The following SRBD1 variants were observed in gnomAD, a reference collection of about 807,000 sequenced individuals.
SRBD1 encodes the protein S1 RNA-binding domain-containing protein 1.
In SRBD1, 88 loss-of-function variants were observed where a neutral mutation model predicts 115.3. The observed-to-expected ratio is 0.76, with a 90% CI of 0.64 to 0.91. The LOEUF (loss-of-function observed/expected upper bound fraction) is 0.91. Ranked by LOEUF, SRBD1 falls within the 40% of genes least tolerant of loss-of-function variation. SRBD1 has a pLI of 0.00. For synonymous variants in SRBD1, 509 were observed against 407.7 expected (o/e 1.25, Z -2.99); for missense variants, 1,385 against 1,177.4 (o/e 1.18, Z -2.58).
chr2:45,428,014 C>G (rs1156247368), intron 16 of SRBD1, among the ~76,000 whole-genome samples: 1 of 152,200 alleles, frequency 6.6e-6, no homozygotes, highest in Non-Finnish European at 1.5e-5. Context: ...TAGACATCTA[C>G]AGAACTCTCC....
At chr2:45,562,013 A>G (rs1482228984) in intron 10 of SRBD1, among the ~76,000 whole-genome samples, 1 of 152,192 alleles carries the variant, frequency 6.6e-6, no homozygotes, top group Non-Finnish European at 1.5e-5. Flanking sequence ...TATTTTTGCA[A>G]GGGAAAAGAT....
In SRBD1 at chr2:45,548,047, A is replaced by G. The variant is rs563686555; in HGVS notation, c.1676-435T>C. 4.6e-5 allele frequency among the ~76,000 whole-genome samples: 7 copies of G among 151,928 alleles called. 1 individual carries two copies. In the South Asian group the frequency reaches 1.5e-3, roughly 32 times the overall value. On this transcript the variant is annotated intron_variant, in intron 12 of 20. Transcript: ENST00000263736. ...GCTTTTCTATATTGCATTATAAAGAAAAATATTTTTTATTGAAAATATTTA... is the reference window on the plus strand; with the variant it reads ...GCTTTTCTATATTGCATTATAAAGAGAAATATTTTTTATTGAAAATATTTA...
At chr2:45,399,669 TG>T (rs1045634082) in intron 19 of SRBD1, among the ~76,000 whole-genome samples, 3 of 152,076 alleles carry the variant, frequency 2.0e-5, no homozygotes, top group African/African-American at 7.2e-5. Flanking sequence ...TGATAAACCT[TG>T]GCACCCAGGA....
chr2:45,600,825 T>G (rs1674069339), intron 3 of SRBD1, among the ~76,000 whole-genome samples: 1 of 152,142 alleles, frequency 6.6e-6, no homozygotes, highest in African/African-American at 2.4e-5. Context: ...AAACTAAATT[T>G]TAGTCAAAAT....
rs10201477 is a variant in SRBD1 at position 45,479,581 on chromosome 2, G to C, written c.1967-2506C>G. On this transcript the variant is annotated intron_variant, in intron 15 of 20. Coordinates refer to ENST00000263736, the MANE Select transcript of SRBD1 (RefSeq NM_018079.5). ...ATTCCATGAAAGCTGAGAGAGGTGA[G>C]GAAACTGCAGAAGAAAAGTCTGAAA... Among the ~76,000 whole-genome samples the C allele has an allele frequency of 8.5e-3, 1,291 of 152,286 alleles. 20 individuals carry two copies. The highest frequency in any genetic ancestry group is 0.029 in the African/African-American group (1,197 of 41,566).
At chr2:45,586,576 C>T (rs1673529344) in intron 4 of SRBD1, among the ~76,000 whole-genome samples, 2 of 151,838 alleles carry the variant, frequency 1.3e-5, no homozygotes, top group African/African-American at 2.4e-5. Flanking sequence ...GACAGTGTCT[C>T]GCTCTTTCAC....
intron 16 of SRBD1, among the ~76,000 whole-genome samples, chr2:45,443,916 T>C (rs1186299795): frequency 6.6e-6 from 1 of 152,022 alleles, no homozygotes; most frequent in Non-Finnish European, 1.5e-5. Context: ...AGGCGCTTAA[T>C]CTTTAATGAC....
Position 45,389,910 on chromosome 2 carries a change from T to C in SRBD1, c.2699-311A>G, listed in dbSNP as rs551628093. Among the ~76,000 whole-genome samples the C allele has an allele frequency of 1.3e-3, 202 of 152,284 alleles. 1 individual carries two copies. The highest frequency in any genetic ancestry group is 4.6e-3 in the African/African-American group (190 of 41,560). The stretch of plus-strand genomic sequence containing the variant: ...TGTGAAGAGGTGATGAGAATATATA[T>C]TTGCTTAACAAATATACAAAGCTAA... On this transcript the variant is annotated intron_variant, in intron 20 of 20. Transcript: ENST00000263736.
At chr2:45,569,296 T>G (rs1672934924) in intron 9 of SRBD1, 1 of 152,318 alleles carries the variant, frequency 6.6e-6, no homozygotes, top group Admixed American at 6.5e-5. Flanking sequence ...GCTCCTTTTC[T>G]GACCTGGGCC....
chr2:45,577,655 C>A (rs1362541135), intron 7 of SRBD1, among the ~76,000 whole-genome samples: 1 of 138,742 alleles, frequency 7.2e-6, no homozygotes, highest in Non-Finnish European at 1.5e-5. Context: ...GTGTCTTCTA[C>A]TGGGGAAAAA....
chr2:45,441,299 T>A (rs1339365927), intron 16 of SRBD1, among the ~76,000 whole-genome samples: 1 of 152,240 alleles, frequency 6.6e-6, no homozygotes, highest in South Asian at 2.1e-4. Flanking sequence ...CCTAGCCTCA[T>A]GCACTGGTGG....
intron 4 of SRBD1, among the ~76,000 whole-genome samples, chr2:45,594,043 T>C (rs1409422811): frequency 1.3e-5 from 2 of 152,228 alleles, no homozygotes; most frequent in South Asian, 2.1e-4. Flanking sequence ...AAAAAGACCA[T>C]AATAAACACT....
rs188199000 is a variant in SRBD1, at chr2:45,413,904, T to A, written c.2334-611A>T. 1.8e-3 allele frequency among the ~76,000 whole-genome samples: 280 copies of A among 151,920 alleles called. 1 individual carries two copies. The highest frequency in any genetic ancestry group is 2.1e-3 in the Non-Finnish European group (140 of 67,962). On this transcript the variant is annotated intron_variant, in intron 18 of 20. Transcript: ENST00000263736. ...CTGAGATCCTGCCACTGCACTCCAG[T>A]TTGGGCAACAGAGGGAGAGACTGTC...
intron 16 of SRBD1, among the ~76,000 whole-genome samples, chr2:45,456,782 G>A (rs537564028): frequency 6.6e-6 from 1 of 151,976 alleles, no homozygotes; most frequent in African/African-American, 2.4e-5. Flanking sequence ...GGAATGCTAA[G>A]TGAATTAATT....
At chr2:45,435,067 T>C (rs1230954804) in intron 16 of SRBD1, among the ~76,000 whole-genome samples, 1 of 152,138 alleles carries the variant, frequency 6.6e-6, no homozygotes, top group Non-Finnish European at 1.5e-5. Context: ...AATGATGGTT[T>C]CCAGCTTCAT....
intron 19 of SRBD1, among the ~76,000 whole-genome samples, chr2:45,405,751 G>A (rs1435483621): frequency 2.4e-5 from 1 of 42,036 alleles, no homozygotes; most frequent in African/African-American, 8.8e-5. Context: ...TGGCAGAATG[G>A]GTAAAAGAGA....
At chr2:45,394,523 T>A (rs562956629) in intron 19 of SRBD1, among the ~76,000 whole-genome samples, 55 of 152,346 alleles carry the variant, frequency 3.6e-4, no homozygotes, top group Admixed American at 1.2e-3. Flanking sequence ...GTTGGAGGTT[T>A]GTCTATAATC....
At chr2:45,470,416 T>G (rs1385104324) in intron 16 of SRBD1, among the ~76,000 whole-genome samples, 9 of 152,134 alleles carry the variant, frequency 5.9e-5, no homozygotes, top group Non-Finnish European at 1.3e-4. Flanking sequence ...CCAATAACAG[T>G]TCCAAAAACT....
chr2:45,523,047 A>G (rs1453459301), intron 14 of SRBD1, among the ~76,000 whole-genome samples: 1 of 152,152 alleles, frequency 6.6e-6, no homozygotes, highest in Non-Finnish European at 1.5e-5. Context: ...CATGTGATAT[A>G]AAGGATACTC....
Sources: allele counts gnomAD v4.1 joint callset (sites outside exome capture counted in the v4.1 genomes callset), GRCh38; gene constraint gnomAD v4.1.1; transcripts MANE v1.5; gene names NCBI Gene and HGNC (gene_info 2026-07-23, HGNC 2026-07-21).